The following ITGA1 variants were observed in gnomAD, a reference collection of about 807,000 sequenced individuals.
The protein encoded by ITGA1 is integrin alpha-1.
A neutral mutation model predicts 145.9 loss-of-function variants in ITGA1; 85 were observed. That is an observed-to-expected ratio of 0.58 (90% CI 0.49 to 0.70). The LOEUF is 0.70. ITGA1 is among the 30% of genes least tolerant of loss of function. ITGA1 has a pLI of 0.00. For missense variants in ITGA1, 1,351 were observed against 1,418.7 expected (o/e 0.95, Z 0.77); for synonymous variants, 520 against 495.3 (o/e 1.05, Z -0.66).
At position 52,955,354 on chromosome 5, in the gene ITGA1, T is replaced by TAGAC. The variant is rs1455386376; in HGVS notation, c.*2906_*2907insCAGA. 1 of 33,548 alleles carries TAGAC rather than the reference T, an allele frequency of 3.0e-5. No individual in the cohort carries two copies. Among genetic ancestry groups the TAGAC allele is most frequent in the East Asian group, 1.3e-3 (1 of 766 alleles). 2.1% of individuals were successfully genotyped at this position (33,548 alleles called of 1,614,324 possible). A position where few individuals can be genotyped will look rare whatever the true frequency, so the allele number is the denominator to read the frequency against. The stretch of plus-strand genomic sequence containing the variant: ...ACAGATTACACGATAGACAGATAGA[T>TAGAC]AGATAGATAGATAGATAGATAGATA... On this transcript the variant is annotated 3_prime_UTR_variant, in exon 29 of 29. Transcript: ENST00000282588.
At chr5:52,906,531 A>G (rs189119737) in intron 12 of ITGA1, among the ~76,000 whole-genome samples, 2 of 152,374 alleles carry the variant, frequency 1.3e-5, no homozygotes, top group Non-Finnish European at 2.9e-5. Flanking sequence ...AAAAACTGAA[A>G]GAAACATCGT....
chr5:52,874,589 C>A (rs1406879661), intron 6 of ITGA1, among the ~76,000 whole-genome samples: 1 of 152,150 alleles, frequency 6.6e-6, no homozygotes, highest in Non-Finnish European at 1.5e-5. Flanking sequence ...CTTTCATGTT[C>A]ACACACTCAC....
chr5:52,860,343 C>T (rs145491808), intron 2 of ITGA1, among the ~76,000 whole-genome samples: 1 of 151,868 alleles, frequency 6.6e-6, no homozygotes, highest in African/African-American at 2.4e-5. Context: ...GTCAAGAGAC[C>T]GAGACTATCC....
intron 6 of ITGA1, among the ~76,000 whole-genome samples, chr5:52,876,574 A>T (rs1749871012): frequency 6.6e-6 from 1 of 151,704 alleles, no homozygotes; most frequent in Admixed American, 6.6e-5. Context: ...TCTGCTTATC[A>T]TTATTTCCCT....
At chr5:52,905,989 A>G in intron 12 of ITGA1, 81 bp downstream of exon 12, 1 of 1,224,880 alleles carries the variant, frequency 8.2e-7, no homozygotes, top group Non-Finnish European at 1.1e-6. Context: ...CCTAAACTTA[A>G]AAATGCAATA....
chr5:52,889,298 C>T lies in ITGA1; in HGVS notation c.924+1333C>T, dbSNP rs542924323. Among the ~76,000 whole-genome samples, 594 of 152,208 alleles carry T rather than the reference C, an allele frequency of 3.9e-3. 6 individuals are homozygous for T. Among genetic ancestry groups the T allele is most frequent in the African/African-American group, 0.014 (561 of 41,528 alleles). ...TTTATTTTTAGTAGAGATGGGGTTT[C>T]ACCATGTTGGTCGGGCCGGTCTTGA... On this transcript the variant is annotated intron_variant, in intron 8 of 28. Transcript: ENST00000282588.
At chr5:52,803,853 C>A (rs940828529) in intron 1 of ITGA1, 8 of 152,126 alleles carry the variant, frequency 5.3e-5, no homozygotes, top group Admixed American at 5.2e-4. Context: ...ATCTGATAAA[C>A]AAAGGCAATA....
At chr5:52,899,644 G>A (rs1052859340) in intron 11 of ITGA1, among the ~76,000 whole-genome samples, 2 of 152,116 alleles carry the variant, frequency 1.3e-5, no homozygotes, top group African/African-American at 4.8e-5. Context: ...GTCAGCTCCC[G>A]AAGCAATTCC....
chr5:52,935,074 T>C (rs987134071), intron 23 of ITGA1, among the ~76,000 whole-genome samples: 3 of 152,008 alleles, frequency 2.0e-5, no homozygotes, highest in African/African-American at 7.2e-5. Flanking sequence ...CTTTATATAT[T>C]GTAACTTATT....
At chr5:52,908,432 T>C (rs917428447) in intron 12 of ITGA1, among the ~76,000 whole-genome samples, 1 of 152,206 alleles carries the variant, frequency 6.6e-6, no homozygotes, top group Non-Finnish European at 1.5e-5. Flanking sequence ...AACCATTTCA[T>C]TGAGAAGACA....
chr5:52,926,644 T>G (rs967050166), intron 19 of ITGA1, among the ~76,000 whole-genome samples: 17 of 152,012 alleles, frequency 1.1e-4, no homozygotes, highest in East Asian at 7.7e-4. Flanking sequence ...TAAATACAAA[T>G]GTACAAAGTA....
chr5:52,800,847 A>G, intron 1 of ITGA1: 1 of 1,609,174 alleles, frequency 6.2e-7, no homozygotes, highest in Middle Eastern at 1.7e-4. Flanking sequence ...ATATCTGCTT[A>G]GTCACTCCCA....
At chr5:52,810,855 A>G (rs1434103984) in intron 1 of ITGA1, among the ~76,000 whole-genome samples, 1 of 152,140 alleles carries the variant, frequency 6.6e-6, no homozygotes, top group East Asian at 1.9e-4. Flanking sequence ...GTAAAATATA[A>G]TGGGAAACGG....
chr5:52,869,804 C>T (rs1177050924), intron 6 of ITGA1, among the ~76,000 whole-genome samples: 2 of 151,856 alleles, frequency 1.3e-5, no homozygotes, highest in African/African-American at 2.4e-5. Flanking sequence ...ATACTTTATT[C>T]TCTAGTATTC....
intron 1 of ITGA1, among the ~76,000 whole-genome samples, chr5:52,814,787 C>T (rs981897448): frequency 6.6e-6 from 1 of 151,952 alleles, no homozygotes; most frequent in Non-Finnish European, 1.5e-5. Flanking sequence ...TTAAATGGCT[C>T]ATTTAAATAC....
rs1168077436 is a variant in ITGA1 at position 52,927,674 on chromosome 5, T to C, written c.2694+10T>C. On this transcript the variant is annotated intron_variant, in intron 20 of 28. Coordinates refer to ENST00000282588, the MANE Select transcript of ITGA1 (RefSeq NM_181501.2). ...GAGAAGAGGAGAGATGGTGAGCAGA[T>C]CATACAAAATACATGTAGAAATTGA... The C allele has an allele frequency of 3.9e-6, 6 of 1,524,408 alleles. No homozygotes were observed. The African/African-American group carries it at 6.9e-5, about 17-fold the overall frequency. The allele number at this position is 1,524,408 out of a possible 1,614,324, so 94.4% of individuals were successfully genotyped here. A position where few individuals can be genotyped will look rare whatever the true frequency, so the allele number is the denominator to read the frequency against.
At chr5:52,900,746 C>T (rs140273055) in intron 11 of ITGA1, among the ~76,000 whole-genome samples, 14 of 152,168 alleles carry the variant, frequency 9.2e-5, no homozygotes, top group African/African-American at 2.2e-4. Context: ...TACTCTCCCC[C>T]TCAAAGCCTC....
rs910471840 is a variant in ITGA1, at chr5:52,958,535, A to C, written c.*6084A>C. 4 of 152,210 alleles carry C rather than the reference A, an allele frequency of 2.6e-5. No individual in the cohort carries two copies. The highest frequency in any genetic ancestry group is 4.4e-5 in the Non-Finnish European group (3 of 68,026). The allele number at this position is 152,210 out of a possible 1,614,324, so 9.4% of individuals were successfully genotyped here. A position where few individuals can be genotyped will look rare whatever the true frequency, so the allele number is the denominator to read the frequency against. On this transcript the variant is annotated 3_prime_UTR_variant, in exon 29 of 29. Transcript: ENST00000282588. ...AGAACCGTTTTATACAAGAGAACTCAACATTTACTGTTTTATTTCTGATAT... is the reference window on the plus strand; with the variant it reads ...AGAACCGTTTTATACAAGAGAACTCCACATTTACTGTTTTATTTCTGATAT...
intron 28 of ITGA1, among the ~76,000 whole-genome samples, chr5:52,947,790 A>G (rs1751158488): frequency 6.6e-6 from 1 of 152,168 alleles, no homozygotes; most frequent in Admixed American, 6.5e-5. Context: ...TCTTTTATAA[A>G]CAGAGAACAA....
Sources: gnomAD v4.1 joint callset for allele counts (sites outside exome capture counted in the v4.1 genomes callset) on GRCh38, gnomAD v4.1.1 for gene constraint, MANE v1.5 for transcripts, NCBI Gene and HGNC (gene_info 2026-07-23, HGNC 2026-07-21) for gene names.